The following KIAA1217 variants were observed in gnomAD, a reference collection of about 807,000 sequenced individuals.
KIAA1217 encodes sickle tail protein homolog.
Under a neutral mutation model 163.9 loss-of-function variants are expected in KIAA1217, and 88 were observed. The ratio of observed to expected loss-of-function variants is 0.54; its 90% CI spans 0.45 to 0.64. The LOEUF (loss-of-function observed/expected upper bound fraction) is 0.64. KIAA1217 is among the 30% of genes least tolerant of loss of function. The probability of loss-of-function intolerance (pLI) is 0.00; values close to 1 mark genes in which losing one functional copy is unlikely to be tolerated. For missense variants in KIAA1217, 2,372 were observed against 2,475.0 expected, an observed-to-expected ratio of 0.96 and a Z score of 0.88; for synonymous variants, 903 against 923.1, an observed-to-expected ratio of 0.98 and a Z score of 0.39.
chr10:24,250,493 C>A (rs941035009), intron 2 of KIAA1217, among the ~76,000 whole-genome samples: 1 of 150,848 alleles, frequency 6.6e-6, no homozygotes, highest in Non-Finnish European at 1.5e-5. Flanking sequence ...AGTGCAGTGG[C>A]GCAATCTCGG....
At chr10:24,521,329 CA>C (rs1163056964) in intron 11 of KIAA1217, among the ~76,000 whole-genome samples, 2 of 147,278 alleles carry the variant, frequency 1.4e-5, no homozygotes, top group African/African-American at 5.0e-5. Flanking sequence ...GACTCCATCT[CA>C]AAAAAAGAAA....
At chr10:23,903,663 T>A (rs1463311571) in intron 1 of KIAA1217, among the ~76,000 whole-genome samples, 1 of 152,054 alleles carries the variant, frequency 6.6e-6, no homozygotes, top group Non-Finnish European at 1.5e-5. Context: ...CACAGGAGGA[T>A]CTTATGACCT....
chr10:24,293,334 G>C (rs1180408401), intron 2 of KIAA1217, among the ~76,000 whole-genome samples: 1 of 152,216 alleles, frequency 6.6e-6, no homozygotes, highest in Non-Finnish European at 1.5e-5. Context: ...GCCTCCCAAA[G>C]TGCTGGGATT....
intron 1 of KIAA1217, among the ~76,000 whole-genome samples, chr10:23,832,354 T>A (rs1588907667): frequency 6.6e-6 from 1 of 152,122 alleles, no homozygotes. Flanking sequence ...TCTCATGCCC[T>A]CTCTGGGCAC....
chr10:23,790,994 C>G (rs970039113), intron 1 of KIAA1217, among the ~76,000 whole-genome samples: 2 of 152,200 alleles, frequency 1.3e-5, no homozygotes, highest in South Asian at 4.1e-4. Flanking sequence ...CTTGGCCCTC[C>G]AAAGTGCTGG....
chr10:24,031,902 A>G (rs1162501027), intron 2 of KIAA1217, among the ~76,000 whole-genome samples: 1 of 152,202 alleles, frequency 6.6e-6, no homozygotes, highest in Non-Finnish European at 1.5e-5. Flanking sequence ...AGCTAAGCAC[A>G]TTCTTAGGTT....
intron 2 of KIAA1217, chr10:24,367,042 G>A (rs1564549181): frequency 2.4e-6 from 1 of 416,534 alleles, no homozygotes; most frequent in Non-Finnish European, 3.2e-6. Context: ...GGTCCATTTG[G>A]TCAACCTATT....
chr10:24,542,284 T>C (rs1440372298), intron 17 of KIAA1217: 1 of 197,682 alleles, frequency 5.1e-6, no homozygotes, highest in Non-Finnish European at 1.0e-5. Context: ...AGTAACACAG[T>C]TTAGTGGCAG....
At chr10:23,810,379 C>T (rs1836945741) in intron 1 of KIAA1217, among the ~76,000 whole-genome samples, 1 of 143,360 alleles carries the variant, frequency 7.0e-6, no homozygotes, top group Admixed American at 7.1e-5. Flanking sequence ...TATTCTAGTC[C>T]ATATACTATA....
intron 1 of KIAA1217, among the ~76,000 whole-genome samples, chr10:23,948,204 A>C (rs1281144169): frequency 6.6e-6 from 1 of 152,218 alleles, no homozygotes; most frequent in African/African-American, 2.4e-5. Flanking sequence ...GACCATAGGC[A>C]GAATACTGAA....
chr10:23,982,932 C>T (rs1373408571), intron 1 of KIAA1217, among the ~76,000 whole-genome samples: 1 of 152,084 alleles, frequency 6.6e-6, no homozygotes, highest in Admixed American at 6.5e-5. Context: ...ATTTTTCTCA[C>T]TCATGGGTCT....
rs553412374 is a variant in KIAA1217, at chr10:24,547,194, C to A, written c.*870C>A. The stretch of plus-strand genomic sequence containing the variant: ...TGGATTTTAAAATGTATACTCTGTA[C>A]GGTTCTGTAAACCGAAAAACTTTTG... On this transcript the variant is annotated 3_prime_UTR_variant, in exon 21 of 21. Coordinates refer to ENST00000376454, the MANE Select transcript of KIAA1217 (RefSeq NM_019590.5). The A allele has an allele frequency of 6.6e-6, 1 of 152,092 alleles. No homozygotes were observed. The highest frequency in any genetic ancestry group is 1.5e-5 in the Non-Finnish European group (1 of 67,978). The allele number at this position is 152,092 out of a possible 1,614,324, so 9.4% of individuals were successfully genotyped here.
chr10:23,789,921 A>C (rs1349068475), intron 1 of KIAA1217, among the ~76,000 whole-genome samples: 1 of 92,722 alleles, frequency 1.1e-5, no homozygotes, highest in Non-Finnish European at 2.3e-5. Context: ...ATATGCATAT[A>C]CATGTATATA....
intron 2 of KIAA1217, among the ~76,000 whole-genome samples, chr10:24,224,684 A>G (rs549600297): frequency 6.6e-6 from 1 of 152,066 alleles, no homozygotes; most frequent in Non-Finnish European, 1.5e-5. Flanking sequence ...TATCTACATC[A>G]TGGAGCACTG....
intron 1 of KIAA1217, among the ~76,000 whole-genome samples, chr10:23,776,461 C>T (rs1461007839): frequency 6.6e-6 from 1 of 151,088 alleles, no homozygotes; most frequent in Non-Finnish European, 1.5e-5. Context: ...TAATATTCTC[C>T]TATGTCAAGC....
chr10:24,141,152 A>C (rs1421869988), intron 2 of KIAA1217, among the ~76,000 whole-genome samples: 1 of 149,694 alleles, frequency 6.7e-6, no homozygotes, highest in Non-Finnish European at 1.5e-5. Context: ...CAATAGAGAC[A>C]CCCTAAGGAG....
Position 24,473,438 on chromosome 10 carries a change from A to G in KIAA1217, c.1057A>G (p.Ser353Gly). 3.7e-6 allele frequency: 6 copies of G among 1,614,120 alleles called. No homozygotes were observed. Among genetic ancestry groups the G allele is most frequent in the Non-Finnish European group, 5.1e-6 (6 of 1,180,018 alleles). ...NATIPRDRISSLPVSRPISPS... is the reference protein window; with the variant it reads ...NATIPRDRISGLPVSRPISPS... ...CACCATCCCCAGGGACAGAATCTCC[A>G]GCCTGCCAGTCTCCAGACCCATCTC... Residue 353 changes from serine to glycine, a missense_variant, in exon 6 of 21, where the codon AGC becomes GGC. Physicochemically the swap from Ser to Gly is moderately conservative, Grantham distance 56 (BLOSUM62 0). Coordinates refer to ENST00000376454, the MANE Select transcript of KIAA1217 (RefSeq NM_019590.5).
intron 2 of KIAA1217, among the ~76,000 whole-genome samples, chr10:24,361,682 A>G (rs944582904): frequency 1.3e-5 from 2 of 152,186 alleles, no homozygotes; most frequent in Non-Finnish European, 2.9e-5. Flanking sequence ...TTTATTAGAA[A>G]TAGAATGGCT....
intron 1 of KIAA1217, among the ~76,000 whole-genome samples, chr10:23,912,688 T>C (rs1842484835): frequency 6.6e-6 from 1 of 152,210 alleles, no homozygotes; most frequent in East Asian, 1.9e-4. Context: ...CTGCATAGTA[T>C]TCTATGGTGT....
Sources: gnomAD v4.1 joint callset for allele counts (sites outside exome capture counted in the v4.1 genomes callset) on GRCh38, gnomAD v4.1.1 for gene constraint, MANE v1.5 for transcripts, NCBI Gene and HGNC (gene_info 2026-07-23, HGNC 2026-07-21) for gene names.